Variants in CDH12 observed in about 807,000 individuals in gnomAD.
CDH12 encodes cadherin-12.
In CDH12, 41 loss-of-function variants were observed where a neutral mutation model predicts 74.1. That is an observed-to-expected ratio of 0.55 (90% confidence interval 0.43 to 0.72). The LOEUF (loss-of-function observed/expected upper bound fraction) is 0.72, where lower values mean the gene tolerates loss of function less well. CDH12 is among the 30% of genes least tolerant of loss of function. The probability of loss-of-function intolerance (pLI) is 0.00; values close to 1 mark genes in which losing one functional copy is unlikely to be tolerated. For missense variants in CDH12, 945 were observed against 977.2 expected (o/e 0.97, Z 0.44); for synonymous variants, 399 against 355.0 (o/e 1.12, Z -1.39).
At chr5:21,962,527 G>A (rs1323038925) in intron 6 of CDH12, among the ~76,000 whole-genome samples, 1 of 152,018 alleles carries the variant, frequency 6.6e-6, no homozygotes, top group East Asian at 1.9e-4. Context: ...TCATTATCAT[G>A]TATGTTCTAT....
At chr5:22,161,617 A>C (rs985681974) in intron 4 of CDH12, among the ~76,000 whole-genome samples, 1 of 152,056 alleles carries the variant, frequency 6.6e-6, no homozygotes, top group African/African-American at 2.4e-5. Context: ...GGATGAGCTC[A>C]GGAGTTCAAG....
At chr5:22,525,582 A>G (rs1737234124) in intron 1 of CDH12, among the ~76,000 whole-genome samples, 1 of 152,108 alleles carries the variant, frequency 6.6e-6, no homozygotes, top group South Asian at 2.1e-4. Flanking sequence ...ATGTCCTAGT[A>G]TGACGAGAAA....
At chr5:22,147,154 C>T (rs1055975768) in intron 4 of CDH12, among the ~76,000 whole-genome samples, 1 of 152,134 alleles carries the variant, frequency 6.6e-6, no homozygotes, top group South Asian at 2.1e-4. Flanking sequence ...TCTGTACTTA[C>T]TTTGCTTTCA....
chr5:21,902,886 A>G (rs1180614028), intron 6 of CDH12, among the ~76,000 whole-genome samples: 6 of 152,186 alleles, frequency 3.9e-5, no homozygotes, highest in Admixed American at 3.9e-4. Context: ...AAGATGTTGC[A>G]TAAATGGAAG....
chr5:22,611,680 CAAAT>C (rs1359613108), intron 1 of CDH12, among the ~76,000 whole-genome samples: 1 of 152,008 alleles, frequency 6.6e-6, no homozygotes, highest in Non-Finnish European at 1.5e-5. Context: ...AGAATAAGGC[CAAAT>C]AAATAATTAC....
chr5:22,071,503 T>C (rs1741936199), intron 5 of CDH12, among the ~76,000 whole-genome samples: 1 of 152,160 alleles, frequency 6.6e-6, no homozygotes, highest in East Asian at 1.9e-4. Flanking sequence ...TTGTCATTCC[T>C]TATTCTTAAA....
intron 3 of CDH12, among the ~76,000 whole-genome samples, chr5:22,329,506 A>C (rs1225011854): frequency 6.6e-6 from 1 of 152,214 alleles, no homozygotes; most frequent in African/African-American, 2.4e-5. Context: ...TAGAACACCA[A>C]ATTTTAACAA....
intron 1 of CDH12, among the ~76,000 whole-genome samples, chr5:22,521,999 C>A (rs1737074235): frequency 6.6e-6 from 1 of 152,144 alleles, no homozygotes; most frequent in South Asian, 2.1e-4. Context: ...TAAGTCACAA[C>A]TAGCAATAAT....
chr5:22,294,732 A>G, intron 3 of CDH12, among the ~76,000 whole-genome samples: 1 of 152,336 alleles, frequency 6.6e-6, no homozygotes, highest in South Asian at 2.1e-4. Flanking sequence ...AAATGGCCGT[A>G]AGGTTCTCCT....
At chr5:21,771,620 T>C (rs1203564994) in intron 11 of CDH12, among the ~76,000 whole-genome samples, 1 of 152,032 alleles carries the variant, frequency 6.6e-6, no homozygotes, top group African/African-American at 2.4e-5. Flanking sequence ...AAGGCTCTTA[T>C]TATATAGATG....
intron 4 of CDH12, among the ~76,000 whole-genome samples, chr5:22,164,533 G>A (rs576078208): frequency 1.2e-4 from 18 of 152,284 alleles, no homozygotes; most frequent in African/African-American, 4.1e-4. Context: ...AGCTCAAGCC[G>A]TAATAAACAC....
chr5:22,236,565 T>G (rs1752567297), intron 3 of CDH12, among the ~76,000 whole-genome samples: 1 of 151,844 alleles, frequency 6.6e-6, no homozygotes, highest in Admixed American at 6.6e-5. Context: ...AAACTCCATC[T>G]CTACTAAAAA....
intron 1 of CDH12, 47 bp from the exon 2 acceptor site, chr5:22,505,411 A>G (rs1264921258): frequency 1.6e-6 from 1 of 621,930 alleles, no homozygotes. Context: ...ATCTTTTCTA[A>G]TAAACATTTA....
At chr5:22,758,245 TTTG>T (rs993824347) in intron 1 of CDH12, among the ~76,000 whole-genome samples, 4 of 152,112 alleles carry the variant, frequency 2.6e-5, no homozygotes, top group South Asian at 2.1e-4. Flanking sequence ...ATTATAGAGT[TTTG>T]TTGTTGTTGT....
At chr5:22,113,117 C>A (rs1744906526) in intron 4 of CDH12, among the ~76,000 whole-genome samples, 1 of 152,082 alleles carries the variant, frequency 6.6e-6, no homozygotes, top group Non-Finnish European at 1.5e-5. Flanking sequence ...TGTTATTTAA[C>A]CCTATATATC....
chr5:22,735,744 G>A (rs2127009826), intron 1 of CDH12, among the ~76,000 whole-genome samples: 1 of 151,934 alleles, frequency 6.6e-6, no homozygotes, highest in Non-Finnish European at 1.5e-5. Flanking sequence ...ACACATCCAT[G>A]ATTGAAAATT....
intron 5 of CDH12, among the ~76,000 whole-genome samples, chr5:22,056,685 C>CA (rs1740765039): frequency 6.6e-6 from 1 of 152,060 alleles, no homozygotes; most frequent in African/African-American, 2.4e-5. Context: ...CTAAACTGGG[C>CA]AAAAAATTAT....
chr5:21,877,941 C>T (rs1024862083), intron 6 of CDH12, among the ~76,000 whole-genome samples: 1 of 152,168 alleles, frequency 6.6e-6, no homozygotes, highest in African/African-American at 2.4e-5. Context: ...CTTATTATAG[C>T]AGTTCACATT....
At chr5:22,543,404 A>G (rs957843499) in intron 1 of CDH12, among the ~76,000 whole-genome samples, 5 of 152,136 alleles carry the variant, frequency 3.3e-5, no homozygotes, top group African/African-American at 1.2e-4. Context: ...CCTAGCAGAA[A>G]ACCTGGTGAA....
Sources: allele counts gnomAD v4.1 joint callset (sites outside exome capture counted in the v4.1 genomes callset), GRCh38; gene constraint gnomAD v4.1.1; transcripts MANE v1.5; gene names NCBI Gene and HGNC (gene_info 2026-07-23, HGNC 2026-07-21).